MIB1: variants seen among roughly 807,000 people sequenced by gnomAD.
MIB1 encodes E3 ubiquitin-protein ligase MIB1.
MIB1 carries 278 observed loss-of-function variants against 124.5 expected under a neutral mutation model. The ratio of observed to expected loss-of-function variants is 2.23; its 90% CI spans 2.02 to 2.47. The LOEUF (loss-of-function observed/expected upper bound fraction) is 2.47. Ranked by LOEUF, MIB1 falls within the 30% of genes most tolerant of loss-of-function variation. The probability of loss-of-function intolerance (pLI) is 0.00; values close to 1 mark genes in which losing one functional copy is unlikely to be tolerated. For missense variants in MIB1, 957 were observed against 1,254.4 expected (o/e 0.76, Z 3.58); for synonymous variants, 446 against 429.4 (o/e 1.04, Z -0.48).
intron 15 of MIB1, 42 bp downstream of exon 15, chr18:21,844,295 C>G (rs748517204): frequency 1.9e-6 from 3 of 1,585,972 alleles, no homozygotes; most frequent in Non-Finnish European, 2.6e-6. Flanking sequence ...GTGGAAGAAT[C>G]TTTTCATGCA....
In MIB1 at chr18:21,798,150, G is replaced by A. The variant is rs1219285364; in HGVS notation, c.1159G>A (p.Gly387Arg). The A allele has an allele frequency of 1.2e-6, 2 of 1,613,328 alleles. No individual in the cohort carries two copies. ...CAGTGATTTAAAGGTGGAAGTTTGT[G>A]GAACATCTTGGACATACAATCCAGC... is the stretch of plus-strand genomic sequence containing the variant. ...SDSDLKVEVC[G>R]TSWTYNPAAV... The change falls in exon 8 of 21, where the codon GGA becomes AGA. Residue 387 changes from glycine to arginine, a missense_variant. Transcript: ENST00000261537.
intron 20 of MIB1, among the ~76,000 whole-genome samples, chr18:21,859,567 A>T (rs1173412672): frequency 6.6e-6 from 1 of 151,984 alleles, no homozygotes; most frequent in Non-Finnish European, 1.5e-5. Flanking sequence ...CTTATGAGTC[A>T]TGAACATTTC....
chr18:21,731,524 G>C (rs1016196208), intron 1 of MIB1, among the ~76,000 whole-genome samples: 1 of 151,656 alleles, frequency 6.6e-6, no homozygotes, highest in Non-Finnish European at 1.5e-5. Flanking sequence ...ACGAGGTCAG[G>C]AGATCGAGAC....
intron 6 of MIB1, among the ~76,000 whole-genome samples, chr18:21,783,934 G>A (rs1361154385): frequency 6.6e-6 from 1 of 151,736 alleles, no homozygotes; most frequent in African/African-American, 2.4e-5. Flanking sequence ...GTAGAGATGG[G>A]GTCTTACGAT....
chr18:21,765,008 TTAA>T (rs1334594495), intron 1 of MIB1, among the ~76,000 whole-genome samples: 3 of 152,200 alleles, frequency 2.0e-5, no homozygotes, highest in African/African-American at 7.2e-5. Flanking sequence ...ACAAGTGATA[TTAA>T]TATAACAATA....
chr18:21,803,880 TTTCA>T, intron 9 of MIB1, 23 bp from the exon 10 acceptor site: 1 of 1,542,916 alleles, frequency 6.5e-7, no homozygotes, highest in Non-Finnish European at 8.9e-7. Flanking sequence ...TCATTCATTC[TTTCA>T]TTCTTTTTTT....
intron 12 of MIB1, chr18:21,828,206 C>G (rs2146488829): frequency 6.6e-6 from 1 of 151,850 alleles, no homozygotes; most frequent in Non-Finnish European, 1.5e-5. Flanking sequence ...TTTTACATGC[C>G]CTCTTTGGAG....
intron 1 of MIB1, among the ~76,000 whole-genome samples, chr18:21,717,558 C>CA (rs1056565875): frequency 2.6e-5 from 4 of 151,764 alleles, no homozygotes; most frequent in African/African-American, 9.7e-5. Flanking sequence ...AGAAAAAAAA[C>CA]AAACAATCCC....
At chr18:21,713,006 G>T (rs1336329773) in intron 1 of MIB1, among the ~76,000 whole-genome samples, 1 of 151,930 alleles carries the variant, frequency 6.6e-6, no homozygotes, top group Non-Finnish European at 1.5e-5. Flanking sequence ...CCAGACTGGG[G>T]TGCAATGGTC....
At chr18:21,814,885 T>C (rs1205665337) in intron 10 of MIB1, among the ~76,000 whole-genome samples, 1 of 149,902 alleles carries the variant, frequency 6.7e-6, no homozygotes, top group African/African-American at 2.5e-5. Context: ...AGGACCCTGA[T>C]TCTTTAAAAA....
chr18:21,798,540 T>G (rs965774362), intron 8 of MIB1, among the ~76,000 whole-genome samples: 1 of 152,168 alleles, frequency 6.6e-6, no homozygotes, highest in Non-Finnish European at 1.5e-5. Context: ...ATTCTACTCT[T>G]TAGTCAGAAC....
At chr18:21,787,818 A>C (rs1389691680) in intron 6 of MIB1, among the ~76,000 whole-genome samples, 1 of 148,460 alleles carries the variant, frequency 6.7e-6, no homozygotes, top group East Asian at 2.0e-4. Context: ...TTCTACTCTG[A>C]GATTTTGGCG....
chr18:21,763,260 G>C (rs950559510), intron 1 of MIB1, among the ~76,000 whole-genome samples: 1 of 152,014 alleles, frequency 6.6e-6, no homozygotes, highest in South Asian at 2.1e-4. Context: ...AATCACATAC[G>C]CTTGTTTTTA....
intron 1 of MIB1, among the ~76,000 whole-genome samples, chr18:21,745,896 G>GTT (rs1430021247): frequency 4.9e-4 from 74 of 151,976 alleles, no homozygotes; most frequent in Admixed American, 1.2e-3. Flanking sequence ...TGGTAGAGAC[G>GTT]GGGTTTCACC....
At chr18:21,846,272 T>C (rs1196392311) in intron 15 of MIB1, among the ~76,000 whole-genome samples, 2 of 152,216 alleles carry the variant, frequency 1.3e-5, no homozygotes, top group African/African-American at 4.8e-5. Context: ...CTTAGCTCGG[T>C]GTGCCTCTTT....
At chr18:21,732,389 CACACAG>C (rs768189226) in intron 1 of MIB1, among the ~76,000 whole-genome samples, 1 of 147,462 alleles carries the variant, frequency 6.8e-6, no homozygotes, top group African/African-American at 2.6e-5. Flanking sequence ...CACACACACA[CACACAG>C]AGCAAGAGAG....
chr18:21,745,673 TAA>T (rs1244504782), intron 1 of MIB1, among the ~76,000 whole-genome samples: 1 of 114,768 alleles, frequency 8.7e-6, no homozygotes, highest in Non-Finnish European at 1.6e-5. Flanking sequence ...GCATAGGTGT[TAA>T]ACACACACAC....
chr18:21,779,893 TTGTG>T (rs1568198209), intron 6 of MIB1, among the ~76,000 whole-genome samples: 1 of 148,794 alleles, frequency 6.7e-6, no homozygotes, highest in African/African-American at 2.5e-5. Flanking sequence ...TGTGTGTGTC[TTGTG>T]TGTGTATGTG....
chr18:21,791,645 C>A, intron 7 of MIB1, 88 bp downstream of exon 7: 3 of 1,097,804 alleles, frequency 2.7e-6, no homozygotes, highest in South Asian at 3.4e-5. Flanking sequence ...ATTAAATTGG[C>A]ATAAAACTTC....
Sources: allele counts gnomAD v4.1 joint callset (sites outside exome capture counted in the v4.1 genomes callset), GRCh38; gene constraint gnomAD v4.1.1; transcripts MANE v1.5; gene names NCBI Gene and HGNC (gene_info 2026-07-23, HGNC 2026-07-21).